Variants in MON2 observed in about 807,000 individuals in gnomAD.
The protein encoded by MON2 is protein MON2 homolog.
In MON2, 84 loss-of-function variants were observed where a neutral mutation model predicts 208.6. The ratio of observed to expected loss-of-function variants is 0.40; its 90% CI spans 0.34 to 0.48. MON2 has a LOEUF of 0.48. Among genes scored for constraint, MON2 ranks in the 20% least tolerant of loss-of-function variants. The pLI is 0.59. For synonymous variants in MON2, 660 were observed against 694.0 expected (o/e 0.95, Z 0.77); for missense variants, 1,611 against 2,015.4 (o/e 0.80, Z 3.84).
intron 24 of MON2, among the ~76,000 whole-genome samples, chr12:62,554,513 AAGAT>A (rs1310650488): frequency 6.6e-6 from 1 of 152,174 alleles, no homozygotes; most frequent in East Asian, 1.9e-4. Flanking sequence ...TTGTGAGTGA[AAGAT>A]AGGGTCTTGC....
At position 62,588,086 on chromosome 12, in the gene MON2, A is replaced by G. The variant is rs1349914689; in HGVS notation, c.4920A>G (p.Thr1640=). ...ATCTCTTTTTCAGGCAACAAGTAAC[A>G]GAAATTATATTTGTTTTAAAAGCAG... The part of the protein sequence containing the change: ...GKCPLPRQQV[T]EIIFVLKAVS... Residue 1640 remains threonine (T), a synonymous_variant, in exon 34 of 35, where the codon ACA becomes ACG. Coordinates refer to ENST00000393630, the MANE Select transcript of MON2 (RefSeq NM_015026.3). The G allele has an allele frequency of 1.3e-6, 2 of 1,568,524 alleles. No homozygotes were observed. Among genetic ancestry groups the G allele is most frequent in the East Asian group, 4.5e-5 (2 of 44,440 alleles).
chr12:62,510,013 A>G (rs7302027), intron 8 of MON2, among the ~76,000 whole-genome samples: 56,490 of 151,932 alleles, frequency 0.37, 10,733 homozygotes, highest in African/African-American at 0.42. Flanking sequence ...TTAAAGGATC[A>G]TAAAAGACTA....
Position 62,595,270 on chromosome 12 carries a change from A to C in MON2, c.*2521A>C. 1 of 152,142 alleles carries C rather than the reference A, an allele frequency of 6.6e-6. No individual in the cohort carries two copies. The highest frequency in any genetic ancestry group is 1.5e-5 in the Non-Finnish European group (1 of 68,060). The allele number at this position is 152,142 out of a possible 1,614,324, so 9.4% of individuals were successfully genotyped here. On this transcript the variant is annotated 3_prime_UTR_variant, in exon 35 of 35. Transcript: ENST00000393630. ...AGCAGTTTCCTGCTTCAGACTTCCA[A>C]GTAGCTGGGATTACAGACATGCCAC...
At position 62,538,266 on chromosome 12, in the gene MON2, A is replaced by G; in HGVS notation, c.2214A>G (p.Ala738=). The G allele has an allele frequency of 6.2e-7, 1 of 1,613,424 alleles. No homozygotes were observed. The highest frequency in any genetic ancestry group is 2.2e-5 in the East Asian group (1 of 44,842). The change falls in exon 18 of 35, where the codon GCA becomes GCG. Residue 738 remains alanine (A), a synonymous_variant. Transcript: ENST00000393630. ...ATTCTTCTCAGGTTCTAACAACAGC[A>G]GTGATGACAGATTTACCAGTGATTT... The part of the protein sequence containing the change: ...VEGPSTVLTT[A]VMTDLPVISN...
rs1261162672 is a variant in MON2, at chr12:62,557,941, TATATATATATATATATA to T, written c.3409+1750_3409+1766del. On this transcript the variant is annotated intron_variant, in intron 25 of 34. Transcript: ENST00000393630. The stretch of plus-strand genomic sequence containing the variant: ...GAACGAATAGATTTATATATATATA[TATATATATATATATATA>T]TATATTTTTTTTTTTTTTTTTTTTT... Among the ~76,000 whole-genome samples the T allele has an allele frequency of 4.8e-3, 187 of 39,142 alleles. 3 individuals are homozygous for T. Among genetic ancestry groups the T allele is most frequent in the African/African-American group, 0.02 (165 of 8,250 alleles). 25.7% of individuals were successfully genotyped at this position (39,142 alleles called of 152,430 possible). A position where few individuals can be genotyped will look rare whatever the true frequency, so the allele number is the denominator to read the frequency against.
Position 62,547,073 on chromosome 12 carries a change from G to A in MON2, c.2753+1G>A. The stretch of plus-strand genomic sequence containing the variant: ...TGGGAGCAATCAGAAATGATCAAGG[G>A]TAAGTATTTAAAATTATTTGAGAAA... On this transcript the variant is annotated splice_donor_variant, in intron 22 of 34. Coordinates refer to ENST00000393630, the MANE Select transcript of MON2 (RefSeq NM_015026.3). LOFTEE classifies it high-confidence loss of function. 2.7e-6 allele frequency: 4 copies of A among 1,471,958 alleles called. No homozygotes were observed. The highest frequency in any genetic ancestry group is 3.6e-6 in the Non-Finnish European group (4 of 1,109,434). The allele number at this position is 1,471,958 out of a possible 1,614,324, so 91.2% of individuals were successfully genotyped here.
At chr12:62,474,550 G>T (rs576880655) in intron 1 of MON2, among the ~76,000 whole-genome samples, 59 of 152,140 alleles carry the variant, frequency 3.9e-4, no homozygotes, top group Non-Finnish European at 7.8e-4. Flanking sequence ...TCAGCTTCCT[G>T]AGTAGCTGGG....
rs767839675 is a variant in MON2, at chr12:62,553,276, A to T, written c.3210+102A>T. 7.9e-6 allele frequency: 9 copies of T among 1,132,696 alleles called. No homozygotes were observed. In the East Asian group the frequency reaches 1.3e-4, roughly 16 times the overall value. The allele number at this position is 1,132,696 out of a possible 1,614,324, so 70.2% of individuals were successfully genotyped here. ...TTCTTTTAATTTTTAAAGAATTTCC[A>T]TGCATTTGTGTATTTGACAAAACAG... On this transcript the variant is annotated intron_variant, in intron 24 of 34. Coordinates refer to ENST00000393630, the MANE Select transcript of MON2 (RefSeq NM_015026.3).
rs768130532 is a variant in MON2, at chr12:62,571,525, T to G, written c.4457T>G (p.Phe1486Cys). ...VARQHASSGK[F>C]DSMWPELANT... is the part of the protein sequence containing the mutation. ...CGGCAGCATGCTTCTTCTGGAAAAT[T>G]TGACAGTATGTGGCCAGAACTAGCC... Residue 1486 changes from phenylalanine (F) to cysteine (C), a missense_variant, in exon 30 of 35, where the codon TTT becomes TGT. Physicochemically the swap from Phe to Cys is radical, Grantham distance 205. Coordinates refer to ENST00000393630, the MANE Select transcript of MON2 (RefSeq NM_015026.3). 6.2e-7 allele frequency: 1 copy of G among 1,614,082 alleles called. No homozygotes were observed. Among genetic ancestry groups the G allele is most frequent in the Non-Finnish European group, 8.5e-7 (1 of 1,179,982 alleles).
rs773865965 is a variant in MON2, at chr12:62,544,975, A to G, written c.2544A>G (p.Thr848=). ...ALTSLIKAGL[T]FNHDPPLSQN... ...CTTCTCTTATTAAAGCAGGATTAAC[A>G]TTTAACCATGATCCTCCACTCTCAC... is the stretch of plus-strand genomic sequence containing the variant. Residue 848 remains threonine (T), a synonymous_variant, in exon 21 of 35, where the codon ACA becomes ACG. Transcript: ENST00000393630. The G allele has an allele frequency of 6.2e-7, 1 of 1,602,962 alleles. No individual in the cohort carries two copies. The highest frequency in any genetic ancestry group is 1.7e-5 in the Admixed American group (1 of 58,344).
intron 32 of MON2, among the ~76,000 whole-genome samples, chr12:62,580,702 C>T (rs2074974747): frequency 6.6e-6 from 1 of 152,088 alleles, no homozygotes; most frequent in African/African-American, 2.4e-5. Flanking sequence ...TAACTGCAAA[C>T]TGTGAAGAAT....
At chr12:62,535,075 C>G (rs1250095111) in intron 13 of MON2, 149 bp downstream of exon 13, 2 of 606,010 alleles carry the variant, frequency 3.3e-6, no homozygotes, top group African/African-American at 3.7e-5. Flanking sequence ...ATCCCCCTTC[C>G]TCATTCTGTC....
chr12:62,474,929 C>T (rs1485394065), intron 1 of MON2, among the ~76,000 whole-genome samples: 3 of 152,104 alleles, frequency 2.0e-5, no homozygotes, highest in Non-Finnish European at 4.4e-5. Context: ...TCTGTTTTCT[C>T]AGCTATTATG....
chr12:62,560,810 G>A lies in MON2; in HGVS notation c.3729G>A (p.Ala1243=), dbSNP rs375777277. The A allele has an allele frequency of 1.2e-5, 19 of 1,613,956 alleles. No individual in the cohort carries two copies. Among genetic ancestry groups the A allele is most frequent in the African/African-American group, 4.0e-5 (3 of 74,934 alleles). Residue 1243 remains alanine, a synonymous_variant, in exon 26 of 35, where the codon GCG becomes GCA. Transcript: ENST00000393630. ...AAGATTTGAATCTATGGTGGGCTGC[G>A]TGGAATACCTGGTATAGAATTGGAT... ...ELEDLNLWWA[A]WNTWYRIGSE... is the part of the protein sequence containing the mutation.
At chr12:62,479,358 T>A (rs1158526768) in intron 1 of MON2, among the ~76,000 whole-genome samples, 1 of 151,580 alleles carries the variant, frequency 6.6e-6, no homozygotes, top group Non-Finnish European at 1.5e-5. Flanking sequence ...TTCTAGATAA[T>A]ACCTAATACA....
At chr12:62,490,484 ATAT>A (rs2070062976) in intron 2 of MON2, among the ~76,000 whole-genome samples, 2 of 152,088 alleles carry the variant, frequency 1.3e-5, no homozygotes, top group Admixed American at 1.3e-4. Flanking sequence ...ATTAACTAAC[ATAT>A]TATTAAAGTT....
Position 62,560,445 on chromosome 12 carries a change from T to C in MON2, c.3410-46T>C, listed in dbSNP as rs777261355. 7 of 1,519,942 alleles carry C rather than the reference T, an allele frequency of 4.6e-6. No individual in the cohort carries two copies. The African/African-American group carries it at 9.8e-5, about 21-fold the overall frequency. The allele number at this position is 1,519,942 out of a possible 1,614,324, so 94.2% of individuals were successfully genotyped here. A position where few individuals can be genotyped will look rare whatever the true frequency, so the allele number is the denominator to read the frequency against. ...CAAGTGTCTAATATGAAGAGAAAAT[T>C]TGATCGCTTTTATGATAATAGTTTT... On this transcript the variant is annotated intron_variant, in intron 25 of 34. Coordinates refer to ENST00000393630, the MANE Select transcript of MON2 (RefSeq NM_015026.3).
chr12:62,590,471 A>T (rs1353577217), intron 34 of MON2, among the ~76,000 whole-genome samples: 1 of 152,226 alleles, frequency 6.6e-6, no homozygotes, highest in Non-Finnish European at 1.5e-5. Context: ...TGGTCCAAAA[A>T]TCCAAAACTG....
intron 32 of MON2, among the ~76,000 whole-genome samples, chr12:62,584,478 C>T (rs1051092230): frequency 6.6e-6 from 1 of 152,030 alleles, no homozygotes; most frequent in Non-Finnish European, 1.5e-5. Context: ...CCAAGGCTGG[C>T]GGATCACGAG....
Sources: gnomAD v4.1 joint callset for allele counts (sites outside exome capture counted in the v4.1 genomes callset) on GRCh38, gnomAD v4.1.1 for gene constraint, MANE v1.5 for transcripts, NCBI Gene and HGNC (gene_info 2026-07-23, HGNC 2026-07-21) for gene names.